Variants in APBA2 observed in about 807,000 individuals in gnomAD.
APBA2 encodes amyloid-beta A4 precursor protein-binding family A member 2.
A neutral mutation model predicts 75.0 loss-of-function variants in APBA2; 30 were observed. That is an observed-to-expected ratio of 0.40 (90% CI 0.30 to 0.54). The LOEUF is 0.54. Among genes scored for constraint, APBA2 ranks in the 20% least tolerant of loss-of-function variants. APBA2 has a pLI of 0.49. For missense variants in APBA2, 801 were observed against 1,016.1 expected (o/e 0.79, Z 2.88); for synonymous variants, 444 against 409.6 (o/e 1.08, Z -1.01).
chr15:29,117,644 C>CTT lies in APBA2; in HGVS notation c.*512_*513dup, dbSNP rs1234931386. The CTT allele has an allele frequency of 1.9e-5, 3 of 160,646 alleles. No homozygotes were observed. Among genetic ancestry groups the CTT allele is most frequent in the African/African-American group, 4.9e-5 (2 of 41,142 alleles). 10.0% of individuals were successfully genotyped at this position (160,646 alleles called of 1,614,324 possible). A position where few individuals can be genotyped will look rare whatever the true frequency, so the allele number is the denominator to read the frequency against. On this transcript the variant is annotated 3_prime_UTR_variant, in exon 15 of 15. Coordinates refer to ENST00000683413, the MANE Select transcript of APBA2 (RefSeq NM_001353788.2). ...GGGCAGCCTGGCTCCCAGGACACGA[C>CTT]TTGTAATGAAAGTTTGGGGACATGT...
intron 1 of APBA2, among the ~76,000 whole-genome samples, chr15:28,917,428 T>C (rs2033736198): frequency 6.6e-6 from 1 of 152,208 alleles, no homozygotes; most frequent in Non-Finnish European, 1.5e-5. Flanking sequence ...CCTTTACCCA[T>C]TGGCCGTTTA....
intron 3 of APBA2, among the ~76,000 whole-genome samples, chr15:29,041,013 C>T (rs1476584179): frequency 3.4e-5 from 5 of 149,120 alleles, no homozygotes; most frequent in African/African-American, 1.2e-4. Flanking sequence ...CATAGAAATT[C>T]GCAGCAGGGC....
intron 3 of APBA2, among the ~76,000 whole-genome samples, chr15:29,044,701 A>G (rs181236757): frequency 2.6e-5 from 4 of 152,168 alleles, no homozygotes; most frequent in African/African-American, 9.7e-5. Context: ...GGAGGGGAGA[A>G]AAGGCCTATA....
At chr15:28,911,849 G>A (rs955063123) in intron 1 of APBA2, among the ~76,000 whole-genome samples, 7 of 152,110 alleles carry the variant, frequency 4.6e-5, no homozygotes, top group African/African-American at 1.7e-4. Context: ...ATGCTTCCTC[G>A]CTATTACCAT....
rs2041606207 is a variant in APBA2 at position 29,051,789 on chromosome 15, A to G, written c.-40-2056A>G. ...GAGACAAGAGGGGAAGAGGAGGTAC[A>G]GGAAGGCAAGATGAGAGCCCGGGCA... On this transcript the variant is annotated intron_variant, in intron 3 of 14. Transcript: ENST00000683413. 2.0e-5 allele frequency among the ~76,000 whole-genome samples: 3 copies of G among 152,088 alleles called. No individual in the cohort carries two copies. The South Asian group carries it at 6.2e-4, about 32-fold the overall frequency.
In APBA2 at chr15:28,991,656, G is replaced by A. The variant is rs1242732835; in HGVS notation, c.-94-4097G>A. Among the ~76,000 whole-genome samples, 1 of 152,156 alleles carries A rather than the reference G, an allele frequency of 6.6e-6. No homozygotes were observed. The highest frequency in any genetic ancestry group is 1.5e-5 in the Non-Finnish European group (1 of 68,022). On this transcript the variant is annotated intron_variant, in intron 2 of 14. Transcript: ENST00000683413. The surrounding 1 kb of genome is among the most constrained non-coding windows in gnomAD (Gnocchi z 4.7). ...GCAGCCATTAGGCTGGTACCAGGAG[G>A]AGCCAGGTCGAGCTGGCACTGGGGC...
chr15:28,905,354 G>A (rs1192699222), intron 1 of APBA2, among the ~76,000 whole-genome samples: 10 of 152,304 alleles, frequency 6.6e-5, no homozygotes, highest in Admixed American at 5.2e-4. Context: ...GCAAGCTTTC[G>A]GAAGAACGGA....
At chr15:29,088,117 C>T (rs894624626) in intron 6 of APBA2, among the ~76,000 whole-genome samples, 1 of 152,170 alleles carries the variant, frequency 6.6e-6, no homozygotes, top group African/African-American at 2.4e-5. Context: ...GAGGTCACGA[C>T]TGACTTCCTT....
chr15:29,043,894 C>A (rs2041174721), intron 3 of APBA2, among the ~76,000 whole-genome samples: 1 of 152,156 alleles, frequency 6.6e-6, no homozygotes, highest in African/African-American at 2.4e-5. Context: ...TGCCTGTGAT[C>A]TTGAAGTGAA....
chr15:29,104,634 C>T (rs1276223223), intron 10 of APBA2, among the ~76,000 whole-genome samples: 1 of 152,248 alleles, frequency 6.6e-6, no homozygotes, highest in Non-Finnish European at 1.5e-5. Context: ...GGCACAGCCA[C>T]ACATCCCTAG....
chr15:28,953,169 A>C (rs927637770), intron 2 of APBA2, among the ~76,000 whole-genome samples: 2 of 151,802 alleles, frequency 1.3e-5, no homozygotes, highest in African/African-American at 4.8e-5. Context: ...CCACCCCCTC[A>C]TCACTCCCTA....
intron 3 of APBA2, among the ~76,000 whole-genome samples, chr15:29,018,496 G>A (rs987406326): frequency 2.0e-5 from 3 of 152,128 alleles, no homozygotes; most frequent in African/African-American, 7.2e-5. Context: ...CCGGGGAGGG[G>A]CCAGCAGTCC....
At chr15:29,089,356 A>G (rs2043443567) in intron 6 of APBA2, among the ~76,000 whole-genome samples, 1 of 152,200 alleles carries the variant, frequency 6.6e-6, no homozygotes, top group South Asian at 2.1e-4. Flanking sequence ...ATTGTTGCAC[A>G]GAGGTCTGGT....
chr15:29,052,171 C>T (rs1442895107), intron 3 of APBA2, among the ~76,000 whole-genome samples: 7 of 152,006 alleles, frequency 4.6e-5, no homozygotes, highest in South Asian at 2.1e-4. Context: ...AGAAGTAGAA[C>T]GTTGCTGGGC....
At chr15:28,956,811 C>T (rs1258832583) in intron 2 of APBA2, among the ~76,000 whole-genome samples, 2 of 152,172 alleles carry the variant, frequency 1.3e-5, no homozygotes, top group Non-Finnish European at 2.9e-5. Context: ...CGTATGAGAG[C>T]AATTGTATAG....
At chr15:29,110,820 G>A (rs1465365573) in intron 13 of APBA2, among the ~76,000 whole-genome samples, 1 of 152,212 alleles carries the variant, frequency 6.6e-6, no homozygotes. Flanking sequence ...CAGGTGCAGG[G>A]TTCTGTGCCT....
chr15:28,918,048 C>T lies in APBA2; in HGVS notation c.-204-3592C>T, dbSNP rs999465802. ...AAGGAAGCTGCCCCCAGTCGGTCCC[C>T]GAGGATTCTGCCCAGATAGGGATAA... On this transcript the variant is annotated intron_variant, in intron 1 of 14. Transcript: ENST00000683413. This position sits in a 1 kb window ranked among gnomAD's most constrained non-coding sequence, Gnocchi z 4.2. 2.6e-5 allele frequency among the ~76,000 whole-genome samples: 4 copies of T among 152,218 alleles called. No individual in the cohort carries two copies. The highest frequency in any genetic ancestry group is 2.6e-4 in the Admixed American group (4 of 15,292).
intron 13 of APBA2, among the ~76,000 whole-genome samples, chr15:29,111,688 G>A (rs2044740291): frequency 6.6e-6 from 1 of 152,062 alleles, no homozygotes; most frequent in Admixed American, 6.5e-5. Context: ...TAGGGGTCTG[G>A]CTGTCCCCAT....
At chr15:28,938,435 G>C (rs952845894) in intron 2 of APBA2, among the ~76,000 whole-genome samples, 39 of 152,150 alleles carry the variant, frequency 2.6e-4, no homozygotes, top group African/African-American at 8.0e-4. Context: ...GGGACTTGCT[G>C]TTTAAAAGTT....
Sources: allele counts gnomAD v4.1 joint callset (sites outside exome capture counted in the v4.1 genomes callset), GRCh38; gene constraint gnomAD v4.1.1; non-coding constraint Gnocchi (gnomAD v3.1); transcripts MANE v1.5; gene names NCBI Gene and HGNC (gene_info 2026-07-23, HGNC 2026-07-21).